The following NELL1 variants were observed in gnomAD, a reference collection of about 807,000 sequenced individuals.
The protein encoded by NELL1 is protein kinase C-binding protein NELL1.
NELL1 carries 76 observed loss-of-function variants against 107.4 expected under a neutral mutation model. The ratio of observed to expected loss-of-function variants is 0.71; its 90% CI spans 0.59 to 0.86. The LOEUF is 0.86. Ranked by LOEUF, NELL1 falls within the 40% of genes least tolerant of loss-of-function variation. The pLI, the probability that NELL1 is intolerant of heterozygous loss-of-function variation, is 0.00. For synonymous variants in NELL1, 353 were observed against 341.2 expected, an observed-to-expected ratio of 1.03 and a Z score of -0.38; for missense variants, 1,024 against 1,005.5, an observed-to-expected ratio of 1.02 and a Z score of -0.25.
At chr11:21,382,651 C>T (rs753459491) in intron 15 of NELL1, among the ~76,000 whole-genome samples, 3 of 151,976 alleles carry the variant, frequency 2.0e-5, no homozygotes, top group Non-Finnish European at 4.4e-5. Context: ...CTTTGTCAGT[C>T]CACCTTTCCA....
In NELL1 at chr11:21,337,934, T is replaced by G. The variant is rs532196342; in HGVS notation, c.1550-32919T>G. Reference sequence around the variant, plus strand: ...TTGTATTTCTTTTGCATTTAGCCACTATTTAACAAATTATACATCTATCCT... The same window carrying G: ...TTGTATTTCTTTTGCATTTAGCCACGATTTAACAAATTATACATCTATCCT... On this transcript the variant is annotated intron_variant, in intron 14 of 19. Transcript: ENST00000357134. Among the ~76,000 whole-genome samples, 3 of 151,570 alleles carry G rather than the reference T, an allele frequency of 2.0e-5. No homozygotes were observed. In the East Asian group the frequency reaches 5.8e-4, roughly 29 times the overall value.
chr11:20,980,048 TACTC>T (rs1439408732), intron 12 of NELL1, among the ~76,000 whole-genome samples: 1 of 152,200 alleles, frequency 6.6e-6, no homozygotes, highest in Non-Finnish European at 1.5e-5. Flanking sequence ...TTTTTCTAAA[TACTC>T]AATGACTTAA....
At chr11:21,486,021 G>A (rs1387565750) in intron 15 of NELL1, among the ~76,000 whole-genome samples, 1 of 151,988 alleles carries the variant, frequency 6.6e-6, no homozygotes, top group African/African-American at 2.4e-5. Flanking sequence ...CATCACCGTG[G>A]ACCACTGGGG....
At chr11:20,913,218 C>G (rs1328948568) in intron 5 of NELL1, among the ~76,000 whole-genome samples, 1 of 152,094 alleles carries the variant, frequency 6.6e-6, no homozygotes, top group African/African-American at 2.4e-5. Context: ...TATTTACATG[C>G]CCAGCAGGAA....
chr11:21,050,434 G>A (rs1370653281), intron 12 of NELL1, among the ~76,000 whole-genome samples: 2 of 151,526 alleles, frequency 1.3e-5, no homozygotes, highest in East Asian at 3.9e-4. Context: ...TTTTTTGAAG[G>A]AAGTTGATTT....
At chr11:20,782,497 C>A (rs897327997) in intron 2 of NELL1, among the ~76,000 whole-genome samples, 15 of 152,200 alleles carry the variant, frequency 9.9e-5, no homozygotes, top group African/African-American at 3.6e-4. Flanking sequence ...AGTCTACCCC[C>A]TCATTTTGCA....
At chr11:20,791,275 C>T (rs1857068236) in intron 3 of NELL1, among the ~76,000 whole-genome samples, 1 of 152,032 alleles carries the variant, frequency 6.6e-6, no homozygotes, top group Admixed American at 6.6e-5. Flanking sequence ...TGTTTGTTTT[C>T]AAAATCTAAG....
chr11:21,044,963 G>T (rs1403688503), intron 12 of NELL1, among the ~76,000 whole-genome samples: 3 of 152,170 alleles, frequency 2.0e-5, no homozygotes, highest in Admixed American at 6.6e-5. Flanking sequence ...AGTTAGTTGT[G>T]TGAAAGCACA....
intron 12 of NELL1, among the ~76,000 whole-genome samples, chr11:20,969,811 G>T (rs1308815630): frequency 1.3e-5 from 2 of 151,648 alleles, no homozygotes; most frequent in African/African-American, 4.8e-5. Flanking sequence ...TTTTCAACAA[G>T]GCCAAAATAA....
intron 17 of NELL1, among the ~76,000 whole-genome samples, chr11:21,564,927 T>C (rs1195603743): frequency 6.6e-6 from 1 of 151,904 alleles, no homozygotes; most frequent in Non-Finnish European, 1.5e-5. Flanking sequence ...CAAGAACTCA[T>C]GTATCTCTTT....
intron 2 of NELL1, among the ~76,000 whole-genome samples, chr11:20,765,813 A>T (rs1005235071): frequency 6.6e-6 from 1 of 152,160 alleles, no homozygotes; most frequent in Non-Finnish European, 1.5e-5. Flanking sequence ...TTGCATTTTT[A>T]ATTGCAGATA....
intron 13 of NELL1, among the ~76,000 whole-genome samples, chr11:21,135,511 C>T (rs1193834239): frequency 6.6e-6 from 1 of 152,126 alleles, no homozygotes; most frequent in Non-Finnish European, 1.5e-5. Context: ...ACCAAAGAGA[C>T]CTGAATTTGT....
intron 17 of NELL1, among the ~76,000 whole-genome samples, chr11:21,563,595 A>G (rs781116467): frequency 2.0e-5 from 3 of 152,054 alleles, no homozygotes; most frequent in Non-Finnish European, 4.4e-5. Context: ...AGGTATTATT[A>G]GTAATCTAGA....
intron 13 of NELL1, among the ~76,000 whole-genome samples, chr11:21,162,069 G>C (rs1018994531): frequency 1.4e-5 from 2 of 144,652 alleles, no homozygotes; most frequent in Non-Finnish European, 3.0e-5. Flanking sequence ...TCCTGCCTCA[G>C]CCTCCTGAGT....
At chr11:21,053,444 A>G (rs896290542) in intron 12 of NELL1, among the ~76,000 whole-genome samples, 4 of 152,128 alleles carry the variant, frequency 2.6e-5, no homozygotes, top group African/African-American at 9.7e-5. Context: ...TGCAAAGGAC[A>G]TGAACTCAGG....
chr11:21,281,566 T>C (rs1405571443), intron 14 of NELL1, among the ~76,000 whole-genome samples: 1 of 152,028 alleles, frequency 6.6e-6, no homozygotes, highest in Non-Finnish European at 1.5e-5. Flanking sequence ...ACTTAGGGGG[T>C]AGCCAGTTAG....
chr11:21,284,695 A>T (rs914877425), intron 14 of NELL1: 2 of 361,252 alleles, frequency 5.5e-6, no homozygotes, highest in African/African-American at 4.2e-5. Flanking sequence ...GTCTATATGT[A>T]TGCAGTGTTT....
chr11:21,383,164 A>G (rs1445346400), intron 15 of NELL1, among the ~76,000 whole-genome samples: 2 of 152,018 alleles, frequency 1.3e-5, no homozygotes, highest in African/African-American at 4.8e-5. Context: ...CAGAAAAAGT[A>G]GTTCCTGAAA....
intron 12 of NELL1, among the ~76,000 whole-genome samples, chr11:20,999,059 A>C (rs117044292): frequency 6.6e-6 from 1 of 152,194 alleles, no homozygotes; most frequent in African/African-American, 2.4e-5. Flanking sequence ...CATAGAGTCC[A>C]AGTTTGGTGT....
Sources: gnomAD v4.1 joint callset for allele counts (sites outside exome capture counted in the v4.1 genomes callset) on GRCh38, gnomAD v4.1.1 for gene constraint, MANE v1.5 for transcripts, NCBI Gene and HGNC (gene_info 2026-07-23, HGNC 2026-07-21) for gene names.